ADGRL2: variants seen among roughly 807,000 people sequenced by gnomAD.
The protein encoded by ADGRL2 is adhesion G protein-coupled receptor L2, also known as calcium-independent alpha-latrotoxin receptor 2.
Under a neutral mutation model 157.4 loss-of-function variants are expected in ADGRL2, and 44 were observed. The observed-to-expected ratio is 0.28, with a 90% CI of 0.22 to 0.36. The LOEUF (loss-of-function observed/expected upper bound fraction) is 0.36, where lower values mean the gene tolerates loss of function less well. Among genes scored for constraint, ADGRL2 ranks in the 10% least tolerant of loss-of-function variants. The probability of loss-of-function intolerance (pLI) is 1.00; values close to 1 mark genes in which losing one functional copy is unlikely to be tolerated. For missense variants in ADGRL2, 1,510 were observed against 1,768.9 expected (o/e 0.85, Z 2.63); for synonymous variants, 585 against 624.7 (o/e 0.94, Z 0.95).
rs184205049 is a variant in ADGRL2, at chr1:81,852,025, T to C, written c.73+14968T>C. Among the ~76,000 whole-genome samples, 483 of 152,140 alleles carry C rather than the reference T, an allele frequency of 3.2e-3. 3 individuals carry two copies. Among genetic ancestry groups the C allele is most frequent in the African/African-American group, 0.01 (433 of 41,552 alleles). ...AATGATGAACTATTCTAGCTTCAAG[T>C]ACTTGGTAACTAAAATGTTTGCTCA... On this transcript the variant is annotated intron_variant, in intron 2 of 23. Transcript: ENST00000686636.
At chr1:81,489,294 A>C (rs1040366895) in intron 2 of ADGRL2, among the ~76,000 whole-genome samples, 1 of 152,038 alleles carries the variant, frequency 6.6e-6, no homozygotes, top group African/African-American at 2.4e-5. Flanking sequence ...AAACTAAAAA[A>C]ATCAAGAGCT....
At chr1:81,516,940 G>A (rs1032706063) in intron 2 of ADGRL2, among the ~76,000 whole-genome samples, 4 of 151,980 alleles carry the variant, frequency 2.6e-5, no homozygotes, top group African/African-American at 9.7e-5. Context: ...TGCATACAGT[G>A]GGTGGTTAAT....
At chr1:81,563,070 A>C (rs1267641889) in intron 2 of ADGRL2, among the ~76,000 whole-genome samples, 1 of 152,124 alleles carries the variant, frequency 6.6e-6, no homozygotes, top group Non-Finnish European at 1.5e-5. Context: ...AACTGTCAAT[A>C]TCTATAAACA....
intron 1 of ADGRL2, among the ~76,000 whole-genome samples, chr1:81,307,285 A>C (rs1407887517): frequency 6.6e-6 from 1 of 152,210 alleles, no homozygotes; most frequent in Non-Finnish European, 1.5e-5. Flanking sequence ...GTAAGAGTCT[A>C]GCAGATTTGA....
intron 2 of ADGRL2, among the ~76,000 whole-genome samples, chr1:81,541,668 G>A (rs1342993184): frequency 6.6e-6 from 1 of 151,892 alleles, no homozygotes; most frequent in Non-Finnish European, 1.5e-5. Flanking sequence ...TATCTTTTCC[G>A]GCTGGGCACG....
intron 1 of ADGRL2, among the ~76,000 whole-genome samples, chr1:81,710,863 G>T (rs969949856): frequency 3.3e-5 from 5 of 151,478 alleles, no homozygotes; most frequent in Admixed American, 6.6e-5. Context: ...GTTTATTAAA[G>T]GTTAGTTGCA....
At chr1:81,391,670 A>G (rs532430253) in intron 1 of ADGRL2, among the ~76,000 whole-genome samples, 126 of 137,216 alleles carry the variant, frequency 9.2e-4, no homozygotes, top group African/African-American at 3.3e-3. Context: ...GTCTATGGTA[A>G]TTTCAGACTA....
intron 1 of ADGRL2, among the ~76,000 whole-genome samples, chr1:81,718,569 A>T (rs2084194297): frequency 6.6e-6 from 1 of 152,228 alleles, no homozygotes; most frequent in Admixed American, 6.5e-5. Flanking sequence ...CCTGTTCATT[A>T]TTTTGCTGAC....
chr1:81,551,311 A>T (rs1438135120), intron 2 of ADGRL2, among the ~76,000 whole-genome samples: 2 of 152,152 alleles, frequency 1.3e-5, no homozygotes, highest in Admixed American at 1.3e-4. Context: ...TGTGTATCCA[A>T]CAGGCCAAGG....
intron 9 of ADGRL2, among the ~76,000 whole-genome samples, chr1:81,952,469 T>C (rs903768743): frequency 6.6e-6 from 1 of 152,160 alleles, no homozygotes. Flanking sequence ...TGATATACTT[T>C]ATATGCTAAT....
At chr1:81,324,740 A>G (rs1345310224) in intron 1 of ADGRL2, among the ~76,000 whole-genome samples, 1 of 151,818 alleles carries the variant, frequency 6.6e-6, no homozygotes, top group Non-Finnish European at 1.5e-5. Context: ...TTTTTGAGGC[A>G]GAGTGTTTTC....
chr1:81,747,397 T>G (rs1216860943), intron 1 of ADGRL2, among the ~76,000 whole-genome samples: 2 of 151,304 alleles, frequency 1.3e-5, no homozygotes, highest in African/African-American at 4.9e-5. Context: ...GCCTCCCAGG[T>G]TCAAGGGATT....
intron 2 of ADGRL2, among the ~76,000 whole-genome samples, chr1:81,872,021 A>T (rs907159325): frequency 1.3e-5 from 2 of 152,108 alleles, no homozygotes; most frequent in Non-Finnish European, 2.9e-5. Flanking sequence ...CTATGTCCTG[A>T]ATGGTAATGC....
At chr1:81,752,453 G>A (rs1041317132) in intron 1 of ADGRL2, among the ~76,000 whole-genome samples, 2 of 152,176 alleles carry the variant, frequency 1.3e-5, no homozygotes, top group East Asian at 1.9e-4. Context: ...AGAAAAAGGC[G>A]CTATACTTTT....
chr1:81,784,541 A>C (rs1390638890), intron 2 of ADGRL2, among the ~76,000 whole-genome samples: 2 of 152,138 alleles, frequency 1.3e-5, no homozygotes, highest in African/African-American at 4.8e-5. Context: ...CAATCTGGCC[A>C]ACATGGTGAA....
In ADGRL2 at chr1:81,322,909, G is replaced by A. The variant is rs151189274; in HGVS notation, c.-302+16400G>A. ...GCCTCACTCTGTTGCCCAGGCTGGA[G>A]TGCAGTGGGGTGATCTCAGCTCACT... On this transcript the variant is annotated intron_variant, in intron 1 of 24. Coordinates refer to the ADGRL2 transcript ENST00000370721. Among the ~76,000 whole-genome samples the A allele has an allele frequency of 8.9e-3, 1,361 of 152,144 alleles. 16 individuals carry two copies. Among genetic ancestry groups the A allele is most frequent in the African/African-American group, 0.031 (1,279 of 41,518 alleles).
chr1:81,650,380 G>A (rs2082391731), intron 3 of ADGRL2, among the ~76,000 whole-genome samples: 1 of 132,232 alleles, frequency 7.6e-6, no homozygotes, highest in African/African-American at 2.7e-5. Context: ...GACCATCCTG[G>A]CCAACATGGT....
intron 1 of ADGRL2, among the ~76,000 whole-genome samples, chr1:81,350,488 A>T (rs1662803185): frequency 6.6e-6 from 1 of 152,200 alleles, no homozygotes; most frequent in African/African-American, 2.4e-5. Context: ...AATTGCTAAG[A>T]TTTGAATCTG....
In ADGRL2 at chr1:81,359,955, A is replaced by G. The variant is rs189056701; in HGVS notation, c.-302+53446A>G. Among the ~76,000 whole-genome samples, 54 of 152,140 alleles carry G rather than the reference A, an allele frequency of 3.5e-4. No homozygotes were observed. In the East Asian group the frequency reaches 6.4e-3, roughly 18 times the overall value. The stretch of plus-strand genomic sequence containing the variant: ...AGAATTTATCTTCACAGCCTGTCTC[A>G]CCTGCTATAATAGACAATAATCTAT... On this transcript the variant is annotated intron_variant, in intron 1 of 24. Transcript: ENST00000370721.
Sources: allele counts gnomAD v4.1 joint callset (sites outside exome capture counted in the v4.1 genomes callset), GRCh38; gene constraint gnomAD v4.1.1; transcripts MANE v1.5; gene names NCBI Gene and HGNC (gene_info 2026-07-23, HGNC 2026-07-21).